SLC4A10: variants seen among roughly 807,000 people sequenced by gnomAD.
The protein encoded by SLC4A10 is solute carrier family 4 member 10.
SLC4A10 carries 42 observed loss-of-function variants against 137.7 expected under a neutral mutation model. The ratio of observed to expected loss-of-function variants is 0.30; its 90% CI spans 0.24 to 0.39. The LOEUF (loss-of-function observed/expected upper bound fraction) is 0.39. Ranked by LOEUF, SLC4A10 falls within the 10% of genes least tolerant of loss-of-function variation. SLC4A10 has a pLI of 1.00. For synonymous variants in SLC4A10, 474 were observed against 464.1 expected (o/e 1.02, Z -0.27); for missense variants, 925 against 1,355.0 (o/e 0.68, Z 4.98).
chr2:161,626,620 GA>G (rs1445937141), intron 1 of SLC4A10, among the ~76,000 whole-genome samples: 1 of 152,038 alleles, frequency 6.6e-6, no homozygotes, highest in Non-Finnish European at 1.5e-5. Flanking sequence ...TTGCTTTTAT[GA>G]AAACCTTTTT....
intron 4 of SLC4A10, among the ~76,000 whole-genome samples, chr2:161,854,219 A>G (rs536314697): frequency 1.3e-5 from 2 of 152,328 alleles, no homozygotes; most frequent in African/African-American, 4.8e-5. Flanking sequence ...GATAAGAATT[A>G]AGTGGCTTGT....
chr2:161,732,751 G>A (rs1265283550), intron 1 of SLC4A10, among the ~76,000 whole-genome samples: 1 of 152,192 alleles, frequency 6.6e-6, no homozygotes, highest in African/African-American at 2.4e-5. Flanking sequence ...ACTTCCTAGA[G>A]ACTTGTTGAA....
intron 11 of SLC4A10, among the ~76,000 whole-genome samples, chr2:161,898,191 A>G (rs547431318): frequency 1.3e-5 from 2 of 152,236 alleles, no homozygotes; most frequent in South Asian, 4.1e-4. Flanking sequence ...TTTCTGCAAT[A>G]ATGGAAATAT....
At chr2:161,920,892 T>C (rs1214569428) in intron 15 of SLC4A10, among the ~76,000 whole-genome samples, 1 of 152,232 alleles carries the variant, frequency 6.6e-6, no homozygotes, top group Non-Finnish European at 1.5e-5. Flanking sequence ...GTGCTGATGG[T>C]ATAAAATGAA....
At chr2:161,907,560 G>A (rs1393758441) in intron 15 of SLC4A10, among the ~76,000 whole-genome samples, 3 of 152,182 alleles carry the variant, frequency 2.0e-5, no homozygotes, top group African/African-American at 7.2e-5. Context: ...ATAAGGAAAT[G>A]AGTGCCGGGT....
intron 1 of SLC4A10, among the ~76,000 whole-genome samples, chr2:161,683,290 A>G (rs1018416091): frequency 2.0e-5 from 3 of 152,224 alleles, no homozygotes; most frequent in Non-Finnish European, 2.9e-5. Context: ...CCCTTAGCAC[A>G]GTACCAGGTA....
chr2:161,921,091 C>G (rs1326277640), intron 15 of SLC4A10, among the ~76,000 whole-genome samples: 1 of 152,132 alleles, frequency 6.6e-6, no homozygotes, highest in East Asian at 1.9e-4. Context: ...GTATAATGGC[C>G]TAAGAGAAGA....
chr2:161,797,936 T>C (rs1009752228), intron 2 of SLC4A10, among the ~76,000 whole-genome samples: 15 of 152,114 alleles, frequency 9.9e-5, no homozygotes, highest in African/African-American at 3.6e-4. Flanking sequence ...CCTTTTGTTT[T>C]ATAATGATTA....
rs577910408 is a variant in SLC4A10, at chr2:161,821,151, T to C, written c.277+16556T>C. The stretch of plus-strand genomic sequence containing the variant: ...TTGATTTGTAGAAGTTCTTTACATG[T>C]TATGGAAATAAGTCCTTTGTTAGTT... On this transcript the variant is annotated intron_variant, in intron 3 of 26. Coordinates refer to ENST00000446997, the MANE Select transcript of SLC4A10 (RefSeq NM_001178015.2). 1.8e-4 allele frequency among the ~76,000 whole-genome samples: 27 copies of C among 152,362 alleles called. 2 individuals carry two copies. The South Asian group carries it at 5.4e-3, about 30-fold the overall frequency.
chr2:161,952,163 G>A (rs1447552037), intron 19 of SLC4A10, among the ~76,000 whole-genome samples: 2 of 152,122 alleles, frequency 1.3e-5, no homozygotes, highest in Non-Finnish European at 2.9e-5. Flanking sequence ...GATTCAGGCA[G>A]CATTTTTTTC....
At chr2:161,714,708 C>T (rs2044659245) in intron 1 of SLC4A10, among the ~76,000 whole-genome samples, 1 of 151,946 alleles carries the variant, frequency 6.6e-6, no homozygotes, top group African/African-American at 2.4e-5. Context: ...AGCGGGACTC[C>T]TGTGTTATGA....
At chr2:161,753,452 GT>G (rs2049214635) in intron 1 of SLC4A10, among the ~76,000 whole-genome samples, 1 of 152,174 alleles carries the variant, frequency 6.6e-6, no homozygotes, top group Non-Finnish European at 1.5e-5. Context: ...GGGTTTTGGA[GT>G]TAGGCAGATC....
At chr2:161,861,847 C>G (rs1054909904) in intron 5 of SLC4A10, among the ~76,000 whole-genome samples, 12 of 152,092 alleles carry the variant, frequency 7.9e-5, no homozygotes, top group African/African-American at 2.9e-4. Flanking sequence ...CATAAAGTGG[C>G]CCAAATCTGT....
intron 3 of SLC4A10, among the ~76,000 whole-genome samples, chr2:161,839,059 A>G (rs1010525375): frequency 3.3e-5 from 5 of 152,250 alleles, no homozygotes; most frequent in African/African-American, 1.2e-4. Flanking sequence ...CTAGAAACCC[A>G]AATGTCCTCC....
intron 12 of SLC4A10, among the ~76,000 whole-genome samples, chr2:161,901,713 C>G (rs1683153715): frequency 6.6e-6 from 1 of 152,084 alleles, no homozygotes; most frequent in Non-Finnish European, 1.5e-5. Context: ...AATGTGTCCT[C>G]TAAGCTGACT....
In SLC4A10 at chr2:161,985,090, A is replaced by T. The variant is rs1012284186; in HGVS notation, c.*1938A>T. On this transcript the variant is annotated 3_prime_UTR_variant, in exon 27 of 27. Transcript: ENST00000446997. ...TGAAATCATATAAAATATAATAAAAATGTAGTATTATATATTTACTTCTAA... is the reference window on the plus strand; with the variant it reads ...TGAAATCATATAAAATATAATAAAATTGTAGTATTATATATTTACTTCTAA... 6.6e-6 allele frequency: 1 copy of T among 152,026 alleles called. No individual in the cohort carries two copies. 9.4% of individuals were successfully genotyped at this position (152,026 alleles called of 1,614,324 possible). A position where few individuals can be genotyped will look rare whatever the true frequency, so the allele number is the denominator to read the frequency against.
chr2:161,824,517 T>C (rs2057882323), intron 3 of SLC4A10, among the ~76,000 whole-genome samples: 1 of 152,180 alleles, frequency 6.6e-6, no homozygotes, highest in Admixed American at 6.5e-5. Flanking sequence ...TATCAGGATA[T>C]GGATCTTGGA....
chr2:161,735,512 T>C (rs1344971386), intron 1 of SLC4A10, among the ~76,000 whole-genome samples: 1 of 152,144 alleles, frequency 6.6e-6, no homozygotes. Context: ...ATTTTGAAAA[T>C]ATGACACAAG....
At position 161,784,959 on chromosome 2, in the gene SLC4A10, GT is replaced by G. The variant is rs555189634; in HGVS notation, c.130+13914del. On this transcript the variant is annotated intron_variant, in intron 2 of 26. Transcript: ENST00000446997. Reference sequence around the variant, plus strand: ...AATAGGAAAAAATCAATGAAATTGGGTTTTTTTTTAAAAGATAAAATTGACA... The same window carrying G: ...AATAGGAAAAAATCAATGAAATTGGGTTTTTTTTAAAAGATAAAATTGACA... Among the ~76,000 whole-genome samples the G allele has an allele frequency of 3.0e-4, 45 of 150,278 alleles. No homozygotes were observed. The South Asian group carries it at 6.5e-3, about 22-fold the overall frequency.
Sources: gnomAD v4.1 joint callset for allele counts (sites outside exome capture counted in the v4.1 genomes callset) on GRCh38, gnomAD v4.1.1 for gene constraint, MANE v1.5 for transcripts, NCBI Gene and HGNC (gene_info 2026-07-23, HGNC 2026-07-21) for gene names.